The following ARL15 variants were observed in gnomAD, a reference collection of about 807,000 sequenced individuals.
ARL15 encodes ARF like GTPase 15, also known as ADP-ribosylation factor-like protein 15.
ARL15 carries 19 observed loss-of-function variants against 25.2 expected under a neutral mutation model. The ratio of observed to expected loss-of-function variants is 0.75; its 90% CI spans 0.53 to 1.10. The LOEUF (loss-of-function observed/expected upper bound fraction) is 1.10. Among genes scored for constraint, ARL15 ranks in the 50% least tolerant of loss-of-function variants. ARL15 has a pLI of 0.00. For synonymous variants in ARL15, 94 were observed against 86.8 expected (o/e 1.08, Z -0.46); for missense variants, 220 against 246.0 (o/e 0.89, Z 0.71).
chr5:54,180,318 T>G (rs1472233465), intron 1 of ARL15, among the ~76,000 whole-genome samples: 1 of 152,188 alleles, frequency 6.6e-6, no homozygotes, highest in African/African-American at 2.4e-5. Context: ...GCTAATCCTA[T>G]CTTTCTAGTT....
chr5:54,217,947 C>T lies in ARL15; in HGVS notation c.49-46019G>A, dbSNP rs185539661. Reference sequence around the variant, plus strand: ...TAAGTTTAAAAGGGGGAAAAAAAATCACCCAAACATTGCTTAATGTAACTA... The same window carrying T: ...TAAGTTTAAAAGGGGGAAAAAAAATTACCCAAACATTGCTTAATGTAACTA... On this transcript the variant is annotated intron_variant, in intron 1 of 4. Transcript: ENST00000504924. Among the ~76,000 whole-genome samples the T allele has an allele frequency of 2.0e-4, 31 of 152,134 alleles. 1 individual carries two copies. The East Asian group carries it at 4.6e-3, about 23-fold the overall frequency.
chr5:54,100,005 C>G (rs945503584), intron 4 of ARL15, among the ~76,000 whole-genome samples: 1 of 151,936 alleles, frequency 6.6e-6, no homozygotes, highest in African/African-American at 2.4e-5. Context: ...TGTGACCCCC[C>G]CGTAACTGCA....
Position 54,289,686 on chromosome 5 carries a change from G to A in ARL15, c.48+20746C>T, listed in dbSNP as rs10077245. Among the ~76,000 whole-genome samples, 531 of 152,268 alleles carry A rather than the reference G, an allele frequency of 3.5e-3. 5 individuals are homozygous for A. Among genetic ancestry groups the A allele is most frequent in the African/African-American group, 0.012 (509 of 41,548 alleles). On this transcript the variant is annotated intron_variant, in intron 1 of 4. Transcript: ENST00000504924. The stretch of plus-strand genomic sequence containing the variant: ...CAGCCATACAACTTACTATTTGTAG[G>A]AGCTTGGGCAAGTTGCTTAACCTCT...
chr5:54,126,040 A>G (rs72752119), intron 3 of ARL15, among the ~76,000 whole-genome samples: 2,456 of 152,206 alleles, frequency 0.016, 28 homozygotes, highest in Non-Finnish European at 0.026. Flanking sequence ...TTTTTTTTAA[A>G]AAAGAAAAAG....
intron 4 of ARL15, among the ~76,000 whole-genome samples, chr5:54,044,536 C>T (rs1226007764): frequency 6.6e-6 from 1 of 152,150 alleles, no homozygotes; most frequent in Admixed American, 6.5e-5. Flanking sequence ...TGACCCACTG[C>T]ACCCGGCCAA....
At chr5:53,937,950 T>G (rs887947761) in intron 4 of ARL15, among the ~76,000 whole-genome samples, 3 of 152,054 alleles carry the variant, frequency 2.0e-5, no homozygotes, top group African/African-American at 7.2e-5. Context: ...GGGTAAACAA[T>G]TTCCATGGCC....
chr5:53,919,348 T>C (rs549153901), intron 4 of ARL15, among the ~76,000 whole-genome samples: 2 of 152,302 alleles, frequency 1.3e-5, no homozygotes, highest in African/African-American at 4.8e-5. Context: ...TGCAGAACCG[T>C]AAATAATCAT....
chr5:54,167,447 C>T (rs1372731497), intron 2 of ARL15, among the ~76,000 whole-genome samples: 1 of 152,232 alleles, frequency 6.6e-6, no homozygotes, highest in Non-Finnish European at 1.5e-5. Flanking sequence ...CAGAGCACAT[C>T]TCATTTGTTT....
chr5:54,158,656 C>T (rs1207457076), intron 2 of ARL15, among the ~76,000 whole-genome samples: 2 of 152,250 alleles, frequency 1.3e-5, no homozygotes, highest in African/African-American at 4.8e-5. Flanking sequence ...GGGTGGATCA[C>T]GAGGTCAGGA....
chr5:54,256,566 T>G (rs1757372297), intron 1 of ARL15, among the ~76,000 whole-genome samples: 1 of 144,562 alleles, frequency 6.9e-6, no homozygotes, highest in South Asian at 2.1e-4. Flanking sequence ...TCTAACTCAG[T>G]CTATGAAGCC....
intron 1 of ARL15, among the ~76,000 whole-genome samples, chr5:54,201,487 C>T (rs1304355029): frequency 6.6e-6 from 1 of 152,090 alleles, no homozygotes; most frequent in Non-Finnish European, 1.5e-5. Flanking sequence ...CAAGAACCCC[C>T]ATATCTAATT....
intron 1 of ARL15, among the ~76,000 whole-genome samples, chr5:54,257,879 C>A (rs1263557641): frequency 6.6e-6 from 1 of 152,038 alleles, no homozygotes; most frequent in Non-Finnish European, 1.5e-5. Context: ...TGTCTATAAA[C>A]ACAGGAGTAT....
chr5:54,123,266 C>A (rs1262455367), intron 3 of ARL15, among the ~76,000 whole-genome samples: 9 of 152,044 alleles, frequency 5.9e-5, no homozygotes, highest in African/African-American at 2.2e-4. Context: ...CCTGCCACCA[C>A]ACTCAGCTAA....
At chr5:53,997,717 A>G (rs1022636367) in intron 4 of ARL15, among the ~76,000 whole-genome samples, 8 of 152,150 alleles carry the variant, frequency 5.3e-5, no homozygotes, top group African/African-American at 1.9e-4. Context: ...CTCACCTCCA[A>G]TTTAGCCAGA....
At chr5:53,902,106 A>T (rs1431954936) in intron 4 of ARL15, among the ~76,000 whole-genome samples, 1 of 152,156 alleles carries the variant, frequency 6.6e-6, no homozygotes, top group African/African-American at 2.4e-5. Flanking sequence ...ACAATTCCTG[A>T]TTCTATTTCA....
chr5:54,071,146 G>C (rs1312564522), intron 4 of ARL15, among the ~76,000 whole-genome samples: 1 of 150,056 alleles, frequency 6.7e-6, no homozygotes, highest in Non-Finnish European at 1.5e-5. Flanking sequence ...CTCTAGCCTA[G>C]ATGACAACGT....
At chr5:54,277,607 C>T (rs1400324799) in intron 1 of ARL15, among the ~76,000 whole-genome samples, 1 of 152,072 alleles carries the variant, frequency 6.6e-6, no homozygotes, top group African/African-American at 2.4e-5. Flanking sequence ...AAAAAATTAG[C>T]CGGGCGTGGT....
intron 3 of ARL15, among the ~76,000 whole-genome samples, chr5:54,144,667 C>G (rs1335836779): frequency 1.3e-5 from 2 of 152,152 alleles, no homozygotes; most frequent in Non-Finnish European, 2.9e-5. Context: ...TTGAGAATCT[C>G]TGTGTGCCAG....
chr5:54,094,719 C>A (rs907691856), intron 4 of ARL15, among the ~76,000 whole-genome samples: 1 of 152,150 alleles, frequency 6.6e-6, no homozygotes, highest in Non-Finnish European at 1.5e-5. Flanking sequence ...AGTGACCAGG[C>A]CTGGGTCTGT....
Sources: gnomAD v4.1 joint callset for allele counts (sites outside exome capture counted in the v4.1 genomes callset) on GRCh38, gnomAD v4.1.1 for gene constraint, MANE v1.5 for transcripts, NCBI Gene and HGNC (gene_info 2026-07-23, HGNC 2026-07-21) for gene names.